DCTN5: variants seen among roughly 807,000 people sequenced by gnomAD.
The protein encoded by DCTN5 is dynactin subunit 5.
In DCTN5, 14 loss-of-function variants were observed where a neutral mutation model predicts 23.5. The ratio of observed to expected loss-of-function variants is 0.60; its 90% confidence interval spans 0.39 to 0.93. The LOEUF is 0.93. Among genes scored for constraint, DCTN5 ranks in the 40% least tolerant of loss-of-function variants. DCTN5 has a pLI of 0.00. For synonymous variants in DCTN5, 67 were observed against 79.6 expected (o/e 0.84, Z 0.84); for missense variants, 156 against 225.9 (o/e 0.69, Z 1.98).
intron 3 of DCTN5, 93 bp downstream of exon 3, chr16:23,658,718 C>A: frequency 4.2e-6 from 4 of 951,914 alleles, no homozygotes; most frequent in South Asian, 1.4e-5. Context: ...ATGACTAGGT[C>A]TGTCCTGTTT....
In DCTN5 at chr16:23,668,796, CTGAA is replaced by C. The variant is rs1967953387; in HGVS notation, c.*1657_*1660del. 6.6e-6 allele frequency: 1 copy of C among 152,190 alleles called. No homozygotes were observed. The highest frequency in any genetic ancestry group is 2.4e-5 in the African/African-American group (1 of 41,448). The allele number at this position is 152,190 out of a possible 1,614,324, so 9.4% of individuals were successfully genotyped here. ...CCTGCATCCTCCTAGCTTGGGGGCT[CTGAA>C]TGAAAGGTTTCTTCCCTTCCAGTTC... On this transcript the variant is annotated 3_prime_UTR_variant, in exon 6 of 6. Transcript: ENST00000300087.
At chr16:23,643,602 T>C (rs8050308) in intron 2 of DCTN5, among the ~76,000 whole-genome samples, 9,620 of 152,128 alleles carry the variant, frequency 0.063, 650 homozygotes, top group African/African-American at 0.16. Context: ...CATTATTTTA[T>C]GATATAGTGT....
At chr16:23,658,021 G>A (rs1199115763) in intron 2 of DCTN5, among the ~76,000 whole-genome samples, 1 of 152,228 alleles carries the variant, frequency 6.6e-6, no homozygotes, top group Admixed American at 6.5e-5. Flanking sequence ...ACACTTTGCA[G>A]TGTAGCACTT....
At position 23,668,487 on chromosome 16, in the gene DCTN5, C is replaced by T. The variant is rs1430829420; in HGVS notation, c.*1343C>T. 1 of 152,222 alleles carries T rather than the reference C, an allele frequency of 6.6e-6. No homozygotes were observed. Among genetic ancestry groups the T allele is most frequent in the Non-Finnish European group, 1.5e-5 (1 of 68,050 alleles). The allele number at this position is 152,222 out of a possible 1,614,324, so 9.4% of individuals were successfully genotyped here. A position where few individuals can be genotyped will look rare whatever the true frequency, so the allele number is the denominator to read the frequency against. ...AACAGTGCAGTGATAGTCAGCTGGT[C>T]CAGGCCAGGCAAGGGGCTGGTCCAT... On this transcript the variant is annotated 3_prime_UTR_variant, in exon 6 of 6. Coordinates refer to ENST00000300087, the MANE Select transcript of DCTN5 (RefSeq NM_032486.4).
intron 4 of DCTN5, among the ~76,000 whole-genome samples, chr16:23,664,907 T>C (rs759982369): frequency 4.6e-5 from 7 of 152,208 alleles, no homozygotes; most frequent in Non-Finnish European, 8.8e-5. Flanking sequence ...GTGGTGAATA[T>C]AAACCAAGAG....
chr16:23,647,149 T>C (rs905477415), intron 2 of DCTN5, among the ~76,000 whole-genome samples: 1 of 148,552 alleles, frequency 6.7e-6, no homozygotes, highest in African/African-American at 2.6e-5. Context: ...TTTTTTTTTT[T>C]TGAGAAAGAG....
Position 23,675,633 on chromosome 16 carries a change from C to T in DCTN5, c.*8489C>T, listed in dbSNP as rs147481741. ...AATGTTATGATTGCTGAACAGGGCA[C>T]GACTGTTTTTGTAATATTGGAGAAA... On this transcript the variant is annotated 3_prime_UTR_variant, in exon 6 of 6. Coordinates refer to ENST00000300087, the MANE Select transcript of DCTN5 (RefSeq NM_032486.4). 3 of 152,158 alleles carry T rather than the reference C, an allele frequency of 2.0e-5. No homozygotes were observed. The highest frequency in any genetic ancestry group is 4.4e-5 in the Non-Finnish European group (3 of 68,022). The allele number at this position is 152,158 out of a possible 1,614,324, so 9.4% of individuals were successfully genotyped here. A position where few individuals can be genotyped will look rare whatever the true frequency, so the allele number is the denominator to read the frequency against.
At chr16:23,658,865 G>A (rs552119283) in intron 3 of DCTN5, among the ~76,000 whole-genome samples, 1 of 152,310 alleles carries the variant, frequency 6.6e-6, no homozygotes, top group South Asian at 2.1e-4. Context: ...AAACAGACTG[G>A]CGTATATAAT....
chr16:23,655,187 A>G (rs1167233224), intron 2 of DCTN5, among the ~76,000 whole-genome samples: 4 of 152,128 alleles, frequency 2.6e-5, no homozygotes, highest in African/African-American at 9.7e-5. Flanking sequence ...GCTAAATATT[A>G]TCATTATGGA....
intron 2 of DCTN5, among the ~76,000 whole-genome samples, chr16:23,649,491 C>A (rs1202293557): frequency 6.6e-6 from 1 of 152,048 alleles, no homozygotes; most frequent in South Asian, 2.1e-4. Context: ...TAAGCATTTC[C>A]CCTATGTTTT....
chr16:23,650,636 G>A, intron 2 of DCTN5: 1 of 970,484 alleles, frequency 1.0e-6, no homozygotes, highest in Non-Finnish European at 1.5e-6. Flanking sequence ...GCCCGTCTGT[G>A]CATTTTCACT....
chr16:23,655,130 C>T (rs1161430726), intron 2 of DCTN5, among the ~76,000 whole-genome samples: 1 of 152,092 alleles, frequency 6.6e-6, no homozygotes, highest in Non-Finnish European at 1.5e-5. Context: ...TGAGATGTAT[C>T]CATCTTGTTG....
intron 3 of DCTN5, among the ~76,000 whole-genome samples, chr16:23,659,152 A>T (rs1257244902): frequency 6.6e-6 from 1 of 152,048 alleles, no homozygotes; most frequent in South Asian, 2.1e-4. Flanking sequence ...CCAACTAGAG[A>T]TCTTATGTGT....
rs940640034 is a variant in DCTN5 at position 23,672,630 on chromosome 16, T to A, written c.*5486T>A. 54 of 152,180 alleles carry A rather than the reference T, an allele frequency of 3.5e-4. No individual in the cohort carries two copies. The highest frequency in any genetic ancestry group is 1.2e-3 in the African/African-American group (51 of 41,410). The allele number at this position is 152,180 out of a possible 1,614,324, so 9.4% of individuals were successfully genotyped here. On this transcript the variant is annotated 3_prime_UTR_variant, in exon 6 of 6. Transcript: ENST00000300087. ...GTAGTTGGGAGTCAGCAGAGTTGGGTTGGAATTCAAGCTTTGCCACCTGCT... is the reference window on the plus strand; with the variant it reads ...GTAGTTGGGAGTCAGCAGAGTTGGGATGGAATTCAAGCTTTGCCACCTGCT...
chr16:23,644,589 C>T (rs991345811), intron 2 of DCTN5, among the ~76,000 whole-genome samples: 1 of 151,546 alleles, frequency 6.6e-6, no homozygotes, highest in African/African-American at 2.4e-5. Context: ...CGTGAGCCAC[C>T]GCGCCTGGCC....
Position 23,667,157 on chromosome 16 carries a change from A to G in DCTN5, c.*13A>G. 6.2e-7 allele frequency: 1 copy of G among 1,611,974 alleles called. No homozygotes were observed. The highest frequency in any genetic ancestry group is 8.5e-7 in the Non-Finnish European group (1 of 1,179,956). On this transcript the variant is annotated 3_prime_UTR_variant, in exon 6 of 6. Transcript: ENST00000300087. The stretch of plus-strand genomic sequence containing the variant: ...GACGCAAGTCTAGCATCTCTGCCTC[A>G]TGTCTTGAATCTGCTTGAGCTCTAA...
intron 4 of DCTN5, 52 bp downstream of exon 4, chr16:23,661,333 C>A: frequency 7.6e-7 from 1 of 1,313,550 alleles, no homozygotes; most frequent in Non-Finnish European, 1.1e-6. Context: ...CTTCAGCTCC[C>A]ATCCCTCACT....
chr16:23,649,900 G>T (rs991486299), intron 2 of DCTN5, among the ~76,000 whole-genome samples: 7 of 151,786 alleles, frequency 4.6e-5, no homozygotes, highest in Non-Finnish European at 8.8e-5. Context: ...TGACAGGTGT[G>T]GGGTCTACTT....
At position 23,643,093 on chromosome 16, in the gene DCTN5, C is replaced by G. The variant is rs548903720; in HGVS notation, c.117+70C>G. 1.2e-5 allele frequency: 15 copies of G among 1,297,650 alleles called. No homozygotes were observed. In the African/African-American group the frequency reaches 1.8e-4, roughly 15 times the overall value. 80.4% of individuals were successfully genotyped at this position (1,297,650 alleles called of 1,614,324 possible). On this transcript the variant is annotated intron_variant, in intron 2 of 5. Transcript: ENST00000300087. ...TCTGCTAATTGTCACCACAGCAGGG[C>G]AGATAAAATGTTGCCATATCTCCTA...
Sources: allele counts gnomAD v4.1 joint callset (sites outside exome capture counted in the v4.1 genomes callset), GRCh38; gene constraint gnomAD v4.1.1; transcripts MANE v1.5; gene names NCBI Gene and HGNC (gene_info 2026-07-23, HGNC 2026-07-21).